Variants in NUDT4 observed in about 807,000 individuals in gnomAD.
The protein encoded by NUDT4 is diphosphoinositol polyphosphate phosphohydrolase 2.
A neutral mutation model predicts 23.1 loss-of-function variants in NUDT4; 5 were observed. The observed-to-expected ratio is 0.22, with a 90% CI of 0.11 to 0.46. The LOEUF is 0.46. Among genes scored for constraint, NUDT4 ranks in the 20% least tolerant of loss-of-function variants. NUDT4 has a pLI of 0.99. For synonymous variants in NUDT4, 50 were observed against 79.0 expected, an observed-to-expected ratio of 0.63 and a Z score of 1.95; for missense variants, 96 against 211.6, an observed-to-expected ratio of 0.45 and a Z score of 3.39.
In NUDT4 at chr12:93,407,673, A is replaced by G. The variant is rs939888679; in HGVS notation, c.*8294A>G. On this transcript the variant is annotated 3_prime_UTR_variant, in exon 5 of 5. Coordinates refer to ENST00000415493, the MANE Select transcript of NUDT4 (RefSeq NM_019094.6). ...TACCCGAATTCTGGATTTTCATGCA[A>G]ATCTCCCAATTTTTAAAAATGTTGG... 19 of 152,176 alleles carry G rather than the reference A, an allele frequency of 1.2e-4. No individual in the cohort carries two copies. The highest frequency in any genetic ancestry group is 4.6e-4 in the African/African-American group (19 of 41,434). The allele number at this position is 152,176 out of a possible 1,614,324, so 9.4% of individuals were successfully genotyped here. A position where few individuals can be genotyped will look rare whatever the true frequency, so the allele number is the denominator to read the frequency against.
chr12:93,392,416 C>T lies in NUDT4; in HGVS notation c.100-2193C>T, dbSNP rs557086253. 5.9e-3 allele frequency among the ~76,000 whole-genome samples: 895 copies of T among 150,526 alleles called. 4 individuals are homozygous for T. The highest frequency in any genetic ancestry group is 0.024 in the Middle Eastern group (7 of 292). ...GATTACAGGTGCCTTCCACCACGCC[C>T]GGCTAATTTTTTGTATTTTTAGTAG... On this transcript the variant is annotated intron_variant, in intron 1 of 4. Transcript: ENST00000415493.
At chr12:93,383,656 A>G (rs1875852504) in intron 1 of NUDT4, among the ~76,000 whole-genome samples, 1 of 152,090 alleles carries the variant, frequency 6.6e-6, no homozygotes, top group Non-Finnish European at 1.5e-5. Context: ...ACATGGCAAA[A>G]CCTCGTCTCT....
chr12:93,388,635 T>G (rs1204664375), intron 1 of NUDT4, among the ~76,000 whole-genome samples: 1 of 152,260 alleles, frequency 6.6e-6, no homozygotes, highest in Non-Finnish European at 1.5e-5. Context: ...GCATGATGCT[T>G]CTTTCCTGCT....
intron 4 of NUDT4, 57 bp from the exon 5 acceptor site, chr12:93,399,120 A>T: frequency 1.5e-6 from 2 of 1,301,542 alleles, no homozygotes; most frequent in Non-Finnish European, 2.2e-6. Context: ...GACATTACTT[A>T]TATGGCTTAC....
intron 1 of NUDT4, among the ~76,000 whole-genome samples, chr12:93,381,782 C>G (rs1454145511): frequency 1.3e-5 from 2 of 152,188 alleles, no homozygotes; most frequent in East Asian, 3.8e-4. Context: ...TACGCAAGAA[C>G]AAAGTTTTGT....
chr12:93,382,054 T>A (rs1005045617), intron 1 of NUDT4, among the ~76,000 whole-genome samples: 4 of 152,100 alleles, frequency 2.6e-5, no homozygotes, highest in African/African-American at 9.7e-5. Flanking sequence ...GTCAAGTGTT[T>A]GAGACCAGCC....
chr12:93,395,221 A>C (rs1876850148), intron 2 of NUDT4, among the ~76,000 whole-genome samples: 1 of 151,862 alleles, frequency 6.6e-6, no homozygotes, highest in Non-Finnish European at 1.5e-5. Flanking sequence ...CCTGACCTCA[A>C]GTGATCCTTC....
At chr12:93,384,108 T>C (rs1020635511) in intron 1 of NUDT4, among the ~76,000 whole-genome samples, 3 of 152,096 alleles carry the variant, frequency 2.0e-5, no homozygotes, top group African/African-American at 7.2e-5. Context: ...AGCACCCTTT[T>C]ATACATCACC....
At chr12:93,382,418 A>C (rs539645798) in intron 1 of NUDT4, among the ~76,000 whole-genome samples, 1 of 152,336 alleles carries the variant, frequency 6.6e-6, no homozygotes, top group East Asian at 1.9e-4. Context: ...TGAGCTGTAC[A>C]AAATCATGCA....
At chr12:93,394,065 C>G (rs986928959) in intron 1 of NUDT4, among the ~76,000 whole-genome samples, 3 of 152,004 alleles carry the variant, frequency 2.0e-5, no homozygotes, top group African/African-American at 7.3e-5. Flanking sequence ...TATGGTGGCA[C>G]GATCTCAGTT....
At chr12:93,386,726 A>G (rs1876130923) in intron 1 of NUDT4, among the ~76,000 whole-genome samples, 1 of 152,194 alleles carries the variant, frequency 6.6e-6, no homozygotes, top group South Asian at 2.1e-4. Flanking sequence ...GTAAGAAACA[A>G]AATTTCCATT....
At position 93,400,549 on chromosome 12, in the gene NUDT4, C is replaced by T. The variant is rs1877310393; in HGVS notation, c.*1170C>T. On this transcript the variant is annotated 3_prime_UTR_variant, in exon 5 of 5. Coordinates refer to ENST00000415493, the MANE Select transcript of NUDT4 (RefSeq NM_019094.6). ...AGGTACCTTATCTGAAACTCTTGCA[C>T]TTCCCCAACCAGGGCAGAAATGAGG... The T allele has an allele frequency of 6.6e-6, 1 of 152,226 alleles. No individual in the cohort carries two copies. The highest frequency in any genetic ancestry group is 2.1e-4 in the South Asian group (1 of 4,834). The allele number at this position is 152,226 out of a possible 1,614,324, so 9.4% of individuals were successfully genotyped here.
rs1877597484 is a variant in NUDT4, at chr12:93,403,205, G to T, written c.*3826G>T. 1 of 151,966 alleles carries T rather than the reference G, an allele frequency of 6.6e-6. No homozygotes were observed. The highest frequency in any genetic ancestry group is 2.1e-4 in the South Asian group (1 of 4,816). 9.4% of individuals were successfully genotyped at this position (151,966 alleles called of 1,614,324 possible). On this transcript the variant is annotated 3_prime_UTR_variant, in exon 5 of 5. Coordinates refer to ENST00000415493, the MANE Select transcript of NUDT4 (RefSeq NM_019094.6). ...TTAAGCATTTGCTGTTCAATAATAA[G>T]CATCTTCTTTATGCCTAGTATTTGT... is the stretch of plus-strand genomic sequence containing the variant.
chr12:93,383,470 G>T (rs1347005738), intron 1 of NUDT4, among the ~76,000 whole-genome samples: 1 of 79,474 alleles, frequency 1.3e-5, no homozygotes, highest in South Asian at 3.9e-4. Context: ...TTAGGTTAAC[G>T]TAGTTTCAAC....
In NUDT4 at chr12:93,405,733, T is replaced by C. The variant is rs923047920; in HGVS notation, c.*6354T>C. 1 of 152,332 alleles carries C rather than the reference T, an allele frequency of 6.6e-6. No individual in the cohort carries two copies. The allele number at this position is 152,332 out of a possible 1,614,324, so 9.4% of individuals were successfully genotyped here. A position where few individuals can be genotyped will look rare whatever the true frequency, so the allele number is the denominator to read the frequency against. Reference sequence around the variant, plus strand: ...TATTATTTACACTTCTCTCAAATTATTACATTCAGCATGTTTTGCTTTTTA... The same window carrying C: ...TATTATTTACACTTCTCTCAAATTACTACATTCAGCATGTTTTGCTTTTTA... On this transcript the variant is annotated 3_prime_UTR_variant, in exon 5 of 5. Transcript: ENST00000415493.
chr12:93,395,286 A>G (rs994777694), intron 2 of NUDT4, among the ~76,000 whole-genome samples: 1 of 152,184 alleles, frequency 6.6e-6, no homozygotes, highest in Non-Finnish European at 1.5e-5. Context: ...GCGCCCAGCC[A>G]GAAATACTAA....
chr12:93,406,326 GAAAAATGA>G lies in NUDT4; in HGVS notation c.*6948_*6955del, dbSNP rs1877816809. 7.4e-5 allele frequency: 5 copies of G among 67,130 alleles called. No individual in the cohort carries two copies. The highest frequency in any genetic ancestry group is 1.6e-4 in the Non-Finnish European group (5 of 31,124). The allele number at this position is 67,130 out of a possible 1,614,324, so 4.2% of individuals were successfully genotyped here. A position where few individuals can be genotyped will look rare whatever the true frequency, so the allele number is the denominator to read the frequency against. On this transcript the variant is annotated 3_prime_UTR_variant, in exon 5 of 5. Transcript: ENST00000415493. The stretch of plus-strand genomic sequence containing the variant: ...AAAAAGGTTCCTGAACCATTCAACA[GAAAAATGA>G]GGCCTATTCCTATCATTTCCTCGAT...
intron 3 of NUDT4, among the ~76,000 whole-genome samples, chr12:93,398,359 A>G (rs1051976273): frequency 7.2e-6 from 1 of 138,300 alleles, no homozygotes; most frequent in Non-Finnish European, 1.5e-5. Context: ...AAAAAAAAAA[A>G]GAAAAGAACA....
At chr12:93,390,160 G>A (rs543697720) in intron 1 of NUDT4, among the ~76,000 whole-genome samples, 104 of 152,256 alleles carry the variant, frequency 6.8e-4, no homozygotes, top group Non-Finnish European at 1.2e-3. Flanking sequence ...AGCCACCTGC[G>A]TTATGTCCCA....
Sources: allele counts gnomAD v4.1 joint callset (sites outside exome capture counted in the v4.1 genomes callset), GRCh38; gene constraint gnomAD v4.1.1; transcripts MANE v1.5; gene names NCBI Gene and HGNC (gene_info 2026-07-23, HGNC 2026-07-21).